RBFOX1: variants seen among roughly 807,000 people sequenced by gnomAD.
RBFOX1 encodes the protein RNA binding fox-1 homolog 1, also known as RNA binding protein fox-1 homolog 1.
In RBFOX1, 8 loss-of-function variants were observed where a neutral mutation model predicts 57.7. That is an observed-to-expected ratio of 0.14 (90% CI 0.08 to 0.25). The LOEUF (loss-of-function observed/expected upper bound fraction) is 0.25. Among genes scored for constraint, RBFOX1 ranks in the 10% least tolerant of loss-of-function variants. The pLI is 1.00. For synonymous variants in RBFOX1, 326 were observed against 222.4 expected, an observed-to-expected ratio of 1.47 and a Z score of -4.15; for missense variants, 611 against 548.5, an observed-to-expected ratio of 1.11 and a Z score of -1.14.
intron 4 of RBFOX1, among the ~76,000 whole-genome samples, chr16:5,904,742 C>T (rs1775104665): frequency 6.6e-6 from 1 of 151,876 alleles, no homozygotes; most frequent in South Asian, 2.1e-4. Context: ...CTTTGGGAGG[C>T]TGAGGTGGGC....
At chr16:6,703,318 T>G (rs2062148987) in intron 3 of RBFOX1, among the ~76,000 whole-genome samples, 1 of 152,046 alleles carries the variant, frequency 6.6e-6, no homozygotes, top group Non-Finnish European at 1.5e-5. Flanking sequence ...CTTACACCTG[T>G]GATCCAGCAC....
chr16:5,722,495 C>G (rs753126610), intron 3 of RBFOX1, among the ~76,000 whole-genome samples: 9 of 152,178 alleles, frequency 5.9e-5, no homozygotes, highest in Non-Finnish European at 1.2e-4. Flanking sequence ...TCATCTATCC[C>G]CGTGTCCAGG....
chr16:5,688,637 T>C (rs1490579176), intron 3 of RBFOX1, among the ~76,000 whole-genome samples: 1 of 152,182 alleles, frequency 6.6e-6, no homozygotes, highest in Non-Finnish European at 1.5e-5. Context: ...GGGCCTGAAC[T>C]GGGTTACATT....
At chr16:6,204,930 T>TG (rs1206998831) in intron 1 of RBFOX1, among the ~76,000 whole-genome samples, 1 of 152,218 alleles carries the variant, frequency 6.6e-6, no homozygotes, top group Non-Finnish European at 1.5e-5. Flanking sequence ...ACCCCATAGA[T>TG]TGTTAACCTT....
chr16:5,789,404 C>G (rs184736381), intron 3 of RBFOX1, among the ~76,000 whole-genome samples: 151 of 152,172 alleles, frequency 9.9e-4, no homozygotes, highest in African/African-American at 3.5e-3. Flanking sequence ...GGGAGGTCTA[C>G]AAGCCCGCAT....
At chr16:6,702,702 C>T (rs980642946) in intron 3 of RBFOX1, among the ~76,000 whole-genome samples, 2 of 152,270 alleles carry the variant, frequency 1.3e-5, no homozygotes, top group South Asian at 4.1e-4. Flanking sequence ...ACGGCAGATA[C>T]TGTTCTCTCT....
At chr16:5,656,423 T>C (rs1463234139) in intron 3 of RBFOX1, among the ~76,000 whole-genome samples, 1 of 152,212 alleles carries the variant, frequency 6.6e-6, no homozygotes, top group Non-Finnish European at 1.5e-5. Context: ...TAAGTTGGCA[T>C]TTTCAAAATT....
intron 1 of RBFOX1, among the ~76,000 whole-genome samples, chr16:5,249,943 GAGGTTACAGTGAGGAGC>G (rs2062404893): frequency 6.6e-5 from 10 of 151,120 alleles, no homozygotes; most frequent in Admixed American, 1.3e-4. Flanking sequence ...CAGTGAGGAG[GAGGTTACAGTGAGGAGC>G]AGGTTGCAGT....
At chr16:7,105,700 A>C (rs527521984) in intron 4 of RBFOX1, among the ~76,000 whole-genome samples, 14 of 152,130 alleles carry the variant, frequency 9.2e-5, no homozygotes, top group South Asian at 4.1e-4. Flanking sequence ...CTCTCTATAT[A>C]TATCTATCTA....
chr16:6,155,393 T>G (rs1460239493), intron 1 of RBFOX1, among the ~76,000 whole-genome samples: 1 of 152,154 alleles, frequency 6.6e-6, no homozygotes, highest in Non-Finnish European at 1.5e-5. Flanking sequence ...AGAGTGAGAC[T>G]AGAAGGGCCA....
chr16:6,338,529 C>G (rs552826639), intron 2 of RBFOX1, among the ~76,000 whole-genome samples: 84 of 152,280 alleles, frequency 5.5e-4, no homozygotes, highest in Middle Eastern at 3.4e-3. Flanking sequence ...AAAACAAATT[C>G]TCATACAGTT....
At chr16:6,144,387 C>T (rs953341750) in intron 1 of RBFOX1, among the ~76,000 whole-genome samples, 1 of 152,138 alleles carries the variant, frequency 6.6e-6, no homozygotes, top group Non-Finnish European at 1.5e-5. Context: ...CATCATTCTC[C>T]TCAAGTACCT....
intron 3 of RBFOX1, among the ~76,000 whole-genome samples, chr16:6,764,115 C>T (rs540336510): frequency 2.0e-5 from 3 of 152,300 alleles, no homozygotes; most frequent in African/African-American, 7.2e-5. Flanking sequence ...CTGTGCCTCC[C>T]AGTCTTTGCG....
At chr16:6,991,626 T>C (rs539872345) in intron 3 of RBFOX1, among the ~76,000 whole-genome samples, 1 of 152,242 alleles carries the variant, frequency 6.6e-6, no homozygotes, top group South Asian at 2.1e-4. Context: ...AACTTCCACC[T>C]CCCAGGCTCA....
chr16:5,832,360 G>C (rs963010669), intron 3 of RBFOX1, among the ~76,000 whole-genome samples: 7 of 152,190 alleles, frequency 4.6e-5, no homozygotes, highest in Admixed American at 1.3e-4. Context: ...AGGTAGGCAG[G>C]GAAGAATGGG....
chr16:6,666,896 G>C (rs1371596388), intron 3 of RBFOX1, among the ~76,000 whole-genome samples: 1 of 152,080 alleles, frequency 6.6e-6, no homozygotes, highest in Non-Finnish European at 1.5e-5. Context: ...CTGCTCCACA[G>C]AACCATCAAA....
intron 3 of RBFOX1, among the ~76,000 whole-genome samples, chr16:5,773,198 A>G (rs2054036409): frequency 6.6e-6 from 1 of 152,218 alleles, no homozygotes. Context: ...TAAGTATAGA[A>G]GCAGGGTGGC....
At chr16:6,672,454 G>A (rs899557535) in intron 3 of RBFOX1, among the ~76,000 whole-genome samples, 1 of 149,074 alleles carries the variant, frequency 6.7e-6, no homozygotes, top group Non-Finnish European at 1.5e-5. Flanking sequence ...GAAAAGAAAG[G>A]AAAGGAAGGA....
In RBFOX1 at chr16:7,019,072, G is replaced by T. The variant is rs922247270; in HGVS notation, c.-15-32985G>T. ...TTTCCTAGTTTTTAGAAGTGTGTGTGTGTGAGTGTGTGTATGTCTGTGTGT... is the reference window on the plus strand; with the variant it reads ...TTTCCTAGTTTTTAGAAGTGTGTGTTTGTGAGTGTGTGTATGTCTGTGTGT... On this transcript the variant is annotated intron_variant, in intron 3 of 15. Coordinates refer to ENST00000550418, the MANE Select transcript of RBFOX1 (RefSeq NM_018723.4). Among the ~76,000 whole-genome samples, 16 of 152,174 alleles carry T rather than the reference G, an allele frequency of 1.1e-4. 1 individual carries two copies. Among genetic ancestry groups the T allele is most frequent in the Non-Finnish European group, 1.3e-4 (9 of 68,032 alleles).
Sources: gnomAD v4.1 joint callset for allele counts (sites outside exome capture counted in the v4.1 genomes callset) on GRCh38, gnomAD v4.1.1 for gene constraint, MANE v1.5 for transcripts, NCBI Gene and HGNC (gene_info 2026-07-23, HGNC 2026-07-21) for gene names.